The following DSCAML1 variants were observed in gnomAD, a reference collection of about 807,000 sequenced individuals.
The protein encoded by DSCAML1 is cell adhesion molecule DSCAML1.
DSCAML1 carries 38 observed loss-of-function variants against 200.5 expected under a neutral mutation model. The observed-to-expected ratio is 0.19, with a 90% CI of 0.15 to 0.25. The LOEUF (loss-of-function observed/expected upper bound fraction) is 0.25, where lower values mean the gene tolerates loss of function less well. DSCAML1 is among the 10% of genes least tolerant of loss of function. The probability of loss-of-function intolerance (pLI) is 1.00; values close to 1 mark genes in which losing one functional copy is unlikely to be tolerated. For synonymous variants in DSCAML1, 1,215 were observed against 1,165.0 expected (o/e 1.04, Z -0.87); for missense variants, 2,223 against 2,858.8 (o/e 0.78, Z 5.07).
chr11:117,767,136 C>T (rs2054914450), intron 3 of DSCAML1, among the ~76,000 whole-genome samples: 1 of 152,104 alleles, frequency 6.6e-6, no homozygotes, highest in South Asian at 2.1e-4. Flanking sequence ...CCATACAAAC[C>T]GAAGGTGATG....
chr11:117,461,567 C>T lies in DSCAML1; in HGVS notation c.3295G>A (p.Ala1099Thr). 2 of 1,613,812 alleles carry T rather than the reference C, an allele frequency of 1.2e-6. No individual in the cohort carries two copies. The highest frequency in any genetic ancestry group is 1.7e-6 in the Non-Finnish European group (2 of 1,180,024). Reference sequence around the variant, plus strand: ...GCCACGTCAGAAGTGATGGACAGGGCCCGGACGTTCTCAGGGGGCTGGCTG... The same window carrying T: ...GCCACGTCAGAAGTGATGGACAGGGTCCGGACGTTCTCAGGGGGCTGGCTG... ...VPSQPPENVR[A>T]LSITSDVAVI... Residue 1099 changes from alanine to threonine, a missense_variant, in exon 18 of 33, where the codon GCC becomes ACC. By Grantham distance (58) the Ala-to-Thr change is moderately conservative (BLOSUM62 0). Around this residue, in one of 7 missense-constraint regions of DSCAML1, gnomAD observed 438 missense variants for 629.7 expected, o/e 0.70. Transcript: ENST00000651296.
chr11:117,607,783 C>G (rs1242178761), intron 3 of DSCAML1, among the ~76,000 whole-genome samples: 2 of 152,226 alleles, frequency 1.3e-5, no homozygotes, highest in Non-Finnish European at 2.9e-5. Flanking sequence ...ACCAGAGGGG[C>G]CTGTTCCCAA....
Position 117,505,650 on chromosome 11 carries a change from C to T in DSCAML1, c.1866G>A (p.Gly622=), listed in dbSNP as rs754268457. The change falls in exon 9 of 33, where the codon GGG becomes GGA. Residue 622 remains glycine, a synonymous_variant. Transcript: ENST00000651296. The surrounding 1 kb of genome is among the most constrained non-coding windows in gnomAD (Gnocchi z 6.7). ...TCCAGGTGATACGGATGGGCATGTCCCCCGAGGACACCACACAGGGAATGT... is the reference window on the plus strand; with the variant it reads ...TCCAGGTGATACGGATGGGCATGTCTCCCGAGGACACCACACAGGGAATGT... ...LLYIPCVVSS[G]DMPIRITWRK... 9 of 1,613,876 alleles carry T rather than the reference C, an allele frequency of 5.6e-6. No homozygotes were observed. Among genetic ancestry groups the T allele is most frequent in the Admixed American group, 1.7e-5 (1 of 60,002 alleles).
intron 3 of DSCAML1, among the ~76,000 whole-genome samples, chr11:117,656,664 C>T (rs961405383): frequency 1.3e-5 from 2 of 152,130 alleles, no homozygotes; most frequent in Non-Finnish European, 2.9e-5. Context: ...AAATTGGCTC[C>T]AGGACACAAA....
At chr11:117,712,595 T>C (rs2053869154) in intron 3 of DSCAML1, among the ~76,000 whole-genome samples, 1 of 152,012 alleles carries the variant, frequency 6.6e-6, no homozygotes, top group African/African-American at 2.4e-5. Flanking sequence ...TGGGGAATGG[T>C]ATTTTGTTAG....
At chr11:117,640,591 T>A (rs1367583565) in intron 3 of DSCAML1, among the ~76,000 whole-genome samples, 1 of 152,158 alleles carries the variant, frequency 6.6e-6, no homozygotes, top group African/African-American at 2.4e-5. Context: ...CCAAGTAAAC[T>A]GTCAGAAAAT....
intron 3 of DSCAML1, among the ~76,000 whole-genome samples, chr11:117,545,224 C>T (rs933691622): frequency 5.4e-5 from 7 of 129,248 alleles, no homozygotes; most frequent in Non-Finnish European, 8.0e-5. Context: ...AGCAAGATTC[C>T]GTAAAAAAAA....
chr11:117,530,786 G>A (rs1052950592), intron 4 of DSCAML1, among the ~76,000 whole-genome samples: 2 of 152,156 alleles, frequency 1.3e-5, no homozygotes, highest in East Asian at 3.9e-4. Flanking sequence ...GAGGCACACA[G>A]AATCAGAGCA....
At chr11:117,753,646 G>A (rs1591473967) in intron 3 of DSCAML1, among the ~76,000 whole-genome samples, 2 of 152,296 alleles carry the variant, frequency 1.3e-5, no homozygotes, top group South Asian at 2.1e-4. Context: ...AGTGTGATGC[G>A]TGGCTAAGTT....
intron 3 of DSCAML1, among the ~76,000 whole-genome samples, chr11:117,748,161 G>GA (rs1565260930): frequency 6.6e-6 from 1 of 152,186 alleles, no homozygotes; most frequent in African/African-American, 2.4e-5. Flanking sequence ...AGACTATTGT[G>GA]AGAAAGTGAA....
chr11:117,725,531 C>A (rs970973339), intron 3 of DSCAML1, among the ~76,000 whole-genome samples: 16 of 152,208 alleles, frequency 1.1e-4, no homozygotes, highest in African/African-American at 3.9e-4. Context: ...TTATTTCCCA[C>A]TTATCTTTCC....
rs879828652 is a variant in DSCAML1 at position 117,780,240 on chromosome 11, GAAA to G, written c.364+250_364+252del. On this transcript the variant is annotated intron_variant, in intron 2 of 32. Coordinates refer to ENST00000651296, the MANE Select transcript of DSCAML1 (RefSeq NM_020693.4). This position sits in a 1 kb window ranked among gnomAD's most constrained non-coding sequence, Gnocchi z 4.8. The stretch of plus-strand genomic sequence containing the variant: ...GAGAGAAAGAAAGAAAGGAAAGAAA[GAAA>G]GAAAGAAAGAAAGAAAGAAAGAAAG... 0.042 allele frequency among the ~76,000 whole-genome samples: 2,593 copies of G among 62,204 alleles called. 51 individuals are homozygous for G. The highest frequency in any genetic ancestry group is 0.13 in the Middle Eastern group (20 of 158). 40.8% of individuals were successfully genotyped at this position (62,204 alleles called of 152,430 possible). A position where few individuals can be genotyped will look rare whatever the true frequency, so the allele number is the denominator to read the frequency against.
At chr11:117,689,979 G>C (rs747232460) in intron 3 of DSCAML1, among the ~76,000 whole-genome samples, 7 of 152,194 alleles carry the variant, frequency 4.6e-5, no homozygotes, top group Non-Finnish European at 8.8e-5. Context: ...GAAGGGAAAA[G>C]AGACAGGCTT....
chr11:117,444,665 A>AT (rs1019157417), intron 20 of DSCAML1, among the ~76,000 whole-genome samples: 6 of 152,140 alleles, frequency 3.9e-5, no homozygotes, highest in Admixed American at 2.0e-4. Flanking sequence ...AATCTATAAA[A>AT]TTTTTTTTAA....
At chr11:117,490,336 G>T (rs1217221710) in intron 11 of DSCAML1, among the ~76,000 whole-genome samples, 4 of 152,158 alleles carry the variant, frequency 2.6e-5, no homozygotes, top group African/African-American at 7.2e-5. Context: ...AATTTGATGT[G>T]AGAGGCTGAT....
In DSCAML1 at chr11:117,575,083, C is replaced by T. The variant is rs187801602; in HGVS notation, c.512-42561G>A. On this transcript the variant is annotated intron_variant, in intron 3 of 32. Coordinates refer to ENST00000651296, the MANE Select transcript of DSCAML1 (RefSeq NM_020693.4). ...ATAGGCGCCTGTAATCCCAGCTACT[C>T]GGGAGGTTGAGGAAGGAGAATCACT... is the stretch of plus-strand genomic sequence containing the variant. Among the ~76,000 whole-genome samples, 22 of 152,212 alleles carry T rather than the reference C, an allele frequency of 1.4e-4. No homozygotes were observed. The East Asian group carries it at 3.3e-3, about 23-fold the overall frequency.
chr11:117,734,569 A>C, intron 3 of DSCAML1, among the ~76,000 whole-genome samples: 1 of 151,246 alleles, frequency 6.6e-6, no homozygotes, highest in South Asian at 2.1e-4. Flanking sequence ...TCCTCTGAAA[A>C]CCCTTCTCAG....
At position 117,699,649 on chromosome 11, in the gene DSCAML1, G is replaced by T. The variant is rs112313860; in HGVS notation, c.511+77142C>A. 2.0e-3 allele frequency among the ~76,000 whole-genome samples: 301 copies of T among 152,264 alleles called. 1 individual carries two copies. The highest frequency in any genetic ancestry group is 6.9e-3 in the African/African-American group (288 of 41,544). On this transcript the variant is annotated intron_variant, in intron 3 of 32. Coordinates refer to ENST00000651296, the MANE Select transcript of DSCAML1 (RefSeq NM_020693.4). ...CAGGTTGCTCCCCACTGACTAGTGAGTGCCCAGAGGCACAGAGCCGGGCCA... is the reference window on the plus strand; with the variant it reads ...CAGGTTGCTCCCCACTGACTAGTGATTGCCCAGAGGCACAGAGCCGGGCCA...
intron 3 of DSCAML1, among the ~76,000 whole-genome samples, chr11:117,622,511 C>T (rs2051954223): frequency 6.6e-6 from 1 of 152,166 alleles, no homozygotes. Flanking sequence ...ACATTGACCT[C>T]ACCGATGAGC....
Sources: allele counts gnomAD v4.1 joint callset (sites outside exome capture counted in the v4.1 genomes callset), GRCh38; gene constraint gnomAD v4.1.1; regional missense constraint gnomAD v4.1.1; non-coding constraint Gnocchi (gnomAD v3.1); transcripts MANE v1.5; gene names NCBI Gene and HGNC (gene_info 2026-07-23, HGNC 2026-07-21).